The following NHSL1 variants were observed in gnomAD, a reference collection of about 807,000 sequenced individuals.
NHSL1 encodes the protein NHS-like protein 1.
A neutral mutation model predicts 95.0 loss-of-function variants in NHSL1; 48 were observed. That is an observed-to-expected ratio of 0.51 (90% CI 0.40 to 0.64). The LOEUF is 0.64. NHSL1 is among the 30% of genes least tolerant of loss of function. The pLI, the probability that NHSL1 is intolerant of heterozygous loss-of-function variation, is 0.00. For synonymous variants in NHSL1, 783 were observed against 833.9 expected, an observed-to-expected ratio of 0.94 and a Z score of 1.05; for missense variants, 1,971 against 2,077.7, an observed-to-expected ratio of 0.95 and a Z score of 1.00.
chr6:138,424,732 G>A lies in NHSL1; in HGVS notation c.4170C>T (p.Thr1390=), dbSNP rs1403542396. The change falls in exon 8 of 8, where the codon ACC becomes ACT. Residue 1390 remains threonine, a synonymous_variant. Coordinates refer to ENST00000343505, the MANE Select transcript of NHSL1 (RefSeq NM_001144060.2). This position sits in a 1 kb window ranked among gnomAD's most constrained non-coding sequence, Gnocchi z 5.9. ...GAGAGGCCAGGCTTGGGGCAGCGCCGGTGGGTGTCACGGGCGGGGAGGGAG... is the reference window on the plus strand; with the variant it reads ...GAGAGGCCAGGCTTGGGGCAGCGCCAGTGGGTGTCACGGGCGGGGAGGGAG... The part of the protein sequence containing the change: ...NHSPSPPVTP[T]GAAPSLASPK... 1.3e-6 allele frequency: 2 copies of A among 1,551,184 alleles called. No homozygotes were observed. The highest frequency in any genetic ancestry group is 2.4e-5 in the East Asian group (1 of 40,910).
rs190991345 is a variant in NHSL1 at position 138,613,325 on chromosome 6, G to C, written c.96+79151C>G. ...GGCCTTCTGCCCTTCCCCAAGCTTA[G>C]AACCCCTGACGGATGTGTATTAGAA... On this transcript the variant is annotated intron_variant, in intron 1 of 3. Transcript: ENST00000491526. Among the ~76,000 whole-genome samples, 12 of 152,284 alleles carry C rather than the reference G, an allele frequency of 7.9e-5. No homozygotes were observed. The East Asian group carries it at 2.1e-3, about 27-fold the overall frequency.
chr6:138,537,746 T>C (rs775172035), intron 1 of NHSL1, among the ~76,000 whole-genome samples: 52 of 152,200 alleles, frequency 3.4e-4, no homozygotes, highest in Non-Finnish European at 5.3e-4. Flanking sequence ...ATTTGGGTCA[T>C]GATTAGCAGG....
intron 1 of NHSL1, among the ~76,000 whole-genome samples, chr6:138,597,447 G>A (rs974198626): frequency 1.3e-5 from 2 of 152,124 alleles, no homozygotes; most frequent in Non-Finnish European, 2.9e-5. Flanking sequence ...TAATCATCAC[G>A]GAACTTTAGT....
At chr6:138,456,616 G>A (rs749061285) in intron 3 of NHSL1, among the ~76,000 whole-genome samples, 3 of 152,050 alleles carry the variant, frequency 2.0e-5, no homozygotes, top group Non-Finnish European at 4.4e-5. Context: ...AAGACAATGG[G>A]GATTCTGTGA....
intron 3 of NHSL1, among the ~76,000 whole-genome samples, chr6:138,468,740 G>C (rs1306020017): frequency 6.6e-6 from 1 of 152,166 alleles, no homozygotes; most frequent in Non-Finnish European, 1.5e-5. Context: ...TGTGTAGTAG[G>C]CTGTACCGTC....
At chr6:138,673,038 GA>G (rs1554259666) in intron 1 of NHSL1, among the ~76,000 whole-genome samples, 2 of 5,200 alleles carry the variant, frequency 3.8e-4, no homozygotes, top group Non-Finnish European at 5.6e-4. Flanking sequence ...TAGGTAGATA[GA>G]TAGATAGATA....
chr6:138,580,263 A>C (rs1445391600), intron 1 of NHSL1, among the ~76,000 whole-genome samples: 1 of 152,248 alleles, frequency 6.6e-6, no homozygotes, highest in African/African-American at 2.4e-5. Context: ...ATTCTAAAGC[A>C]CAAAAGATAG....
upstream of NHSL1, among the ~76,000 whole-genome samples, chr6:138,500,942 G>A (rs1048543193): frequency 6.6e-6 from 1 of 152,130 alleles, no homozygotes; most frequent in Non-Finnish European, 1.5e-5. Context: ...AATGAGAAAC[G>A]ACTGAGCCTG....
At chr6:138,458,562 C>T (rs1478446212) in intron 3 of NHSL1, among the ~76,000 whole-genome samples, 2 of 151,972 alleles carry the variant, frequency 1.3e-5, no homozygotes, top group African/African-American at 4.8e-5. Flanking sequence ...GGCGTGGTGG[C>T]TCACACCTGT....
rs1475314379 is a variant in NHSL1, at chr6:138,431,767, T to C, written c.2578A>G (p.Thr860Ala). Residue 860 changes from threonine (T) to alanine (A), a missense_variant, in exon 6 of 8, where the codon ACA becomes GCA. Thr to Ala is a moderately conservative substitution (Grantham distance 58, BLOSUM62 0). Around this residue, in one of 3 missense-constraint regions of NHSL1, gnomAD observed 1,602 missense variants for 1,654.5 expected, o/e 0.97. Transcript: ENST00000343505. The surrounding 1 kb of genome is among the most constrained non-coding windows in gnomAD (Gnocchi z 4.0). ...SGYSSQSNTP[T>A]ALTPVPVFLK... ...AACACAGGCACAGGGGTGAGTGCTGTGGGTGTATTCGACTGGCTGGAATAC... is the reference window on the plus strand; with the variant it reads ...AACACAGGCACAGGGGTGAGTGCTGCGGGTGTATTCGACTGGCTGGAATAC... 1.3e-6 allele frequency: 2 copies of C among 1,551,712 alleles called. No homozygotes were observed. Among genetic ancestry groups the C allele is most frequent in the Non-Finnish European group, 1.7e-6 (2 of 1,146,940 alleles).
intron 1 of NHSL1, among the ~76,000 whole-genome samples, chr6:138,643,779 A>T (rs1270746965): frequency 6.6e-6 from 1 of 152,116 alleles, no homozygotes; most frequent in Non-Finnish European, 1.5e-5. Context: ...CAGGTCCATC[A>T]CTTGAGGTCA....
chr6:138,496,418 T>G, intron 1 of NHSL1, 47 bp from the exon 2 acceptor site: 1 of 1,533,564 alleles, frequency 6.5e-7, no homozygotes, highest in South Asian at 1.2e-5. Flanking sequence ...CTTCATTGGC[T>G]ACGAGTTCAT....
chr6:138,520,838 A>C (rs1386304702), intron 1 of NHSL1, among the ~76,000 whole-genome samples: 1 of 152,206 alleles, frequency 6.6e-6, no homozygotes, highest in African/African-American at 2.4e-5. Flanking sequence ...ACTGTGATCA[A>C]CTAGGAAAGA....
chr6:138,575,487 C>T (rs1257363117), upstream of NHSL1, among the ~76,000 whole-genome samples: 1 of 152,198 alleles, frequency 6.6e-6, no homozygotes, highest in Non-Finnish European at 1.5e-5. Flanking sequence ...AGAAACTGTG[C>T]ACCCACAAAT....
At chr6:138,557,409 C>A (rs551740765) in intron 1 of NHSL1, among the ~76,000 whole-genome samples, 41 of 152,200 alleles carry the variant, frequency 2.7e-4, no homozygotes, top group African/African-American at 9.6e-4. Flanking sequence ...TTACCCAGAC[C>A]CCCCCACACA....
intron 4 of NHSL1, chr6:138,446,797 A>G: frequency 1.8e-6 from 1 of 566,280 alleles, no homozygotes; most frequent in East Asian, 2.9e-5. Context: ...GTTTGGCGAC[A>G]TAGTCTTCGA....
chr6:138,466,524 G>A (rs193238063), intron 3 of NHSL1, among the ~76,000 whole-genome samples: 137 of 152,268 alleles, frequency 9.0e-4, no homozygotes, highest in Middle Eastern at 3.4e-3. Context: ...CATTGCAACC[G>A]TCCCTCCAGT....
At chr6:138,691,310 A>G (rs981184182) in intron 1 of NHSL1, among the ~76,000 whole-genome samples, 4 of 152,226 alleles carry the variant, frequency 2.6e-5, no homozygotes, top group Non-Finnish European at 4.4e-5. Context: ...ACAATCAAAG[A>G]GATGAACGCA....
At chr6:138,619,880 G>C (rs868380348) in intron 1 of NHSL1, among the ~76,000 whole-genome samples, 1 of 150,512 alleles carries the variant, frequency 6.6e-6, no homozygotes, top group Admixed American at 6.6e-5. Context: ...CCCGGGAAGC[G>C]GAGGTTGCAG....
Sources: gnomAD v4.1 joint callset for allele counts (sites outside exome capture counted in the v4.1 genomes callset) on GRCh38, gnomAD v4.1.1 for gene constraint, gnomAD v4.1.1 regional missense constraint, Gnocchi (gnomAD v3.1) non-coding constraint, MANE v1.5 for transcripts, NCBI Gene and HGNC (gene_info 2026-07-23, HGNC 2026-07-21) for gene names.